Variants in SOD2 observed in about 807,000 individuals in gnomAD.
The protein encoded by SOD2 is superoxide dismutase [Mn], mitochondrial.
In SOD2, 11 loss-of-function variants were observed where a neutral mutation model predicts 27.0. The observed-to-expected ratio is 0.41, with a 90% CI of 0.26 to 0.67. SOD2 has a LOEUF of 0.67. Ranked by LOEUF, SOD2 falls within the 30% of genes least tolerant of loss-of-function variation. The pLI, the probability that SOD2 is intolerant of heterozygous loss-of-function variation, is 0.34. For synonymous variants in SOD2, 105 were observed against 103.0 expected, an observed-to-expected ratio of 1.02 and a Z score of -0.12; for missense variants, 250 against 274.5, an observed-to-expected ratio of 0.91 and a Z score of 0.63.
rs1363345617 is a variant in SOD2 at position 159,677,998 on chromosome 6, C to T, written c.*4495G>A. The T allele has an allele frequency of 6.6e-6, 1 of 152,078 alleles. No individual in the cohort carries two copies. The allele number at this position is 152,078 out of a possible 1,614,324, so 9.4% of individuals were successfully genotyped here. A position where few individuals can be genotyped will look rare whatever the true frequency, so the allele number is the denominator to read the frequency against. On this transcript the variant is annotated 3_prime_UTR_variant, in exon 5 of 5. Coordinates refer to ENST00000538183, the MANE Select transcript of SOD2 (RefSeq NM_000636.4). ...AGGCAAGATTGGAGGGTTTGGACTCCCAGCCTCAACCCCCAACCTCCAGAA... is the reference window on the plus strand; with the variant it reads ...AGGCAAGATTGGAGGGTTTGGACTCTCAGCCTCAACCCCCAACCTCCAGAA...
At chr6:159,685,823 C>A (rs1349623081) in intron 3 of SOD2, among the ~76,000 whole-genome samples, 1 of 152,124 alleles carries the variant, frequency 6.6e-6, no homozygotes, top group Non-Finnish European at 1.5e-5. Flanking sequence ...AGGATAATGG[C>A]CTCCAGCTGC....
At position 159,680,513 on chromosome 6, in the gene SOD2, C is replaced by A. The variant is rs1779901241; in HGVS notation, c.*1980G>T. The A allele has an allele frequency of 6.6e-6, 1 of 151,146 alleles. No homozygotes were observed. The highest frequency in any genetic ancestry group is 2.4e-5 in the African/African-American group (1 of 41,024). The allele number at this position is 151,146 out of a possible 1,614,324, so 9.4% of individuals were successfully genotyped here. A position where few individuals can be genotyped will look rare whatever the true frequency, so the allele number is the denominator to read the frequency against. ...TTGAATTTAAATTTTTTTTAAACTT[C>A]AGTCTTCAATATTGAAACTGCTAAG... On this transcript the variant is annotated 3_prime_UTR_variant, in exon 5 of 5. Coordinates refer to ENST00000538183, the MANE Select transcript of SOD2 (RefSeq NM_000636.4).
intron 1 of SOD2, chr6:159,755,255 A>G: frequency 4.3e-6 from 7 of 1,614,214 alleles, no homozygotes; most frequent in Non-Finnish European, 5.9e-6. Context: ...CGGACCAAGT[A>G]ATGGTAGCTC....
Position 159,680,823 on chromosome 6 carries a change from C to CT in SOD2, c.*1669dup, listed in dbSNP as rs1779919888. 6.6e-6 allele frequency: 1 copy of CT among 151,596 alleles called. No individual in the cohort carries two copies. Among genetic ancestry groups the CT allele is most frequent in the South Asian group, 2.1e-4 (1 of 4,802 alleles). 9.4% of individuals were successfully genotyped at this position (151,596 alleles called of 1,614,324 possible). A position where few individuals can be genotyped will look rare whatever the true frequency, so the allele number is the denominator to read the frequency against. ...TGGTAGCATGCACCTGTAATCCCAG[C>CT]TATTCAGGAGGCTGAGGTGGGACAA... On this transcript the variant is annotated 3_prime_UTR_variant, in exon 5 of 5. Transcript: ENST00000538183.
rs1779722429 is a variant in SOD2 at position 159,673,940 on chromosome 6, C to G, written c.*8553G>C. The G allele has an allele frequency of 1.3e-5, 2 of 151,944 alleles. No homozygotes were observed. Among genetic ancestry groups the G allele is most frequent in the South Asian group, 4.1e-4 (2 of 4,822 alleles). 9.4% of individuals were successfully genotyped at this position (151,944 alleles called of 1,614,324 possible). ...TATCACCACCAATCCCACAGAAATA[C>G]AGAGTACACAGAGAATACTATAAAC... is the stretch of plus-strand genomic sequence containing the variant. On this transcript the variant is annotated 3_prime_UTR_variant, in exon 5 of 5. Coordinates refer to ENST00000538183, the MANE Select transcript of SOD2 (RefSeq NM_000636.4).
At chr6:159,713,395 A>C (rs766512489) in intron 1 of SOD2, 20 of 653,390 alleles carry the variant, frequency 3.1e-5, no homozygotes, top group Non-Finnish European at 4.7e-5. Flanking sequence ...CACAGCCATG[A>C]GCTTCTGAGA....
chr6:159,683,140 T>G (rs1464118943), intron 4 of SOD2, among the ~76,000 whole-genome samples: 3 of 152,158 alleles, frequency 2.0e-5, no homozygotes, highest in Non-Finnish European at 4.4e-5. Flanking sequence ...TTTTCAGAAA[T>G]TAAGTGAGGT....
chr6:159,743,717 G>C, intron 1 of SOD2: 1 of 1,613,632 alleles, frequency 6.2e-7, no homozygotes, highest in South Asian at 1.1e-5. Flanking sequence ...AGCAACAACA[G>C]CAGGAGTCTG....
At chr6:159,734,929 G>C (rs1213311115) in intron 1 of SOD2, among the ~76,000 whole-genome samples, 2 of 151,802 alleles carry the variant, frequency 1.3e-5, no homozygotes, top group Admixed American at 1.3e-4. Flanking sequence ...GTGTGGATTT[G>C]TAGTTTAATG....
upstream of SOD2, among the ~76,000 whole-genome samples, chr6:159,747,587 A>G (rs1779649048): frequency 6.6e-6 from 1 of 152,208 alleles, no homozygotes; most frequent in Non-Finnish European, 1.5e-5. Context: ...TTTTTCCTTT[A>G]GAAATTCAAA....
At chr6:159,757,462 G>A (rs1780039755) in intron 1 of SOD2, among the ~76,000 whole-genome samples, 1 of 150,606 alleles carries the variant, frequency 6.6e-6, no homozygotes, top group African/African-American at 2.4e-5. Context: ...ACCCAGGCTG[G>A]AGTGCAGTGG....
exon 1 of SOD2, chr6:159,761,845 C>T (rs1583119306): frequency 4.4e-6 from 1 of 226,018 alleles, no homozygotes; most frequent in Non-Finnish European, 8.5e-6. Context: ...CCGCCCCGCG[C>T]CCCGCGCCCC....
Position 159,676,109 on chromosome 6 carries a change from G to A in SOD2, c.*6384C>T, listed in dbSNP as rs985129718. ...AAGTCAGGAAACAACAGGTGCTGGA[G>A]AGGATGTGGAGAAATAGGAACACTT... On this transcript the variant is annotated 3_prime_UTR_variant, in exon 5 of 5. Coordinates refer to ENST00000538183, the MANE Select transcript of SOD2 (RefSeq NM_000636.4). 2.4e-4 allele frequency: 37 copies of A among 152,322 alleles called. No homozygotes were observed. Among genetic ancestry groups the A allele is most frequent in the African/African-American group, 8.9e-4 (37 of 41,560 alleles). The allele number at this position is 152,322 out of a possible 1,614,324, so 9.4% of individuals were successfully genotyped here.
At chr6:159,697,796 T>C (rs1777449914), upstream of SOD2, among the ~76,000 whole-genome samples, 1 of 152,248 alleles carries the variant, frequency 6.6e-6, no homozygotes, top group African/African-American at 2.4e-5. Flanking sequence ...AATGTACAGT[T>C]GACCCCTGAA....
chr6:159,743,162 C>T (rs540722348), intron 1 of SOD2, among the ~76,000 whole-genome samples: 2 of 152,364 alleles, frequency 1.3e-5, no homozygotes, highest in South Asian at 2.1e-4. Context: ...ATTGACCTGC[C>T]TCAGCCTCCC....
chr6:159,727,398 C>CGGGAGGCGGGAGGG (rs1583054710), upstream of SOD2: 2 of 1,079,742 alleles, frequency 1.9e-6, no homozygotes, highest in South Asian at 1.5e-5. Context: ...AGGCGGGAGG[C>CGGGAGGCGGGAGGG]GGGAGGCAGT....
rs1779271690 is a variant in SOD2, at chr6:159,741,805, T to C, written c.-116+3325A>G. 3 of 259,388 alleles carry C rather than the reference T, an allele frequency of 1.2e-5. No homozygotes were observed. In the South Asian group the frequency reaches 1.3e-4, roughly 11 times the overall value. 16.1% of individuals were successfully genotyped at this position (259,388 alleles called of 1,614,324 possible). On this transcript the variant is annotated intron_variant, in intron 1 of 3. Transcript: ENST00000537657. ...GAGTTCAAGACCAGCCTGGGCAACGTAGTGAGACCCCATCTCTACAAAAAA... is the reference window on the plus strand; with the variant it reads ...GAGTTCAAGACCAGCCTGGGCAACGCAGTGAGACCCCATCTCTACAAAAAA...
upstream of SOD2, chr6:159,727,405 C>CGGGAGGT (rs776642727): frequency 1.7e-6 from 2 of 1,208,848 alleles, no homozygotes; most frequent in African/African-American, 3.3e-5. Flanking sequence ...AGGCGGGAGG[C>CGGGAGGT]AGTGGCGCTG....
At chr6:159,760,683 G>C (rs1412254090) in intron 1 of SOD2, 1 of 152,288 alleles carries the variant, frequency 6.6e-6, no homozygotes, top group Non-Finnish European at 1.5e-5. Flanking sequence ...CCGTAGGAAT[G>C]ACTGGTATTA....
Sources: gnomAD v4.1 joint callset for allele counts (sites outside exome capture counted in the v4.1 genomes callset) on GRCh38, gnomAD v4.1.1 for gene constraint, MANE v1.5 for transcripts, NCBI Gene and HGNC (gene_info 2026-07-23, HGNC 2026-07-21) for gene names.